NVL: variants seen among roughly 807,000 people sequenced by gnomAD.
The protein encoded by NVL is nuclear VCP like, also known as nuclear valosin-containing protein-like.
NVL carries 84 observed loss-of-function variants against 110.2 expected under a neutral mutation model. That is an observed-to-expected ratio of 0.76 (90% CI 0.64 to 0.91). NVL has a LOEUF of 0.91. Ranked by LOEUF, NVL falls within the 40% of genes least tolerant of loss-of-function variation. The pLI, the probability that NVL is intolerant of heterozygous loss-of-function variation, is 0.00. For synonymous variants in NVL, 354 were observed against 361.1 expected, an observed-to-expected ratio of 0.98 and a Z score of 0.22; for missense variants, 882 against 1,035.9, an observed-to-expected ratio of 0.85 and a Z score of 2.04.
At chr1:224,311,901 A>C (rs754658305) in intron 4 of NVL, 44 bp from the exon 5 acceptor site, 17 of 1,471,124 alleles carry the variant, frequency 1.2e-5, no homozygotes, top group Middle Eastern at 1.7e-4. Context: ...TTTCTCTCCC[A>C]TATCCTAAAA....
At chr1:224,285,702 T>C (rs1300715808) in intron 15 of NVL, among the ~76,000 whole-genome samples, 1 of 151,992 alleles carries the variant, frequency 6.6e-6, no homozygotes, top group African/African-American at 2.4e-5. Flanking sequence ...ATAATAACAA[T>C]ACCAAAGCAG....
rs377287596 is a variant in NVL, at chr1:224,330,169, A to G, written c.-42T>C. 1.2e-6 allele frequency: 2 copies of G among 1,607,826 alleles called. No homozygotes were observed. The highest frequency in any genetic ancestry group is 1.7e-4 in the Middle Eastern group (1 of 6,042). ...GCCACAGCTCGGACCGCCAGCTCCT[A>G]GTCAACCGGGGGCCTCGTAGGGGTT... On this transcript the variant is annotated 5_prime_UTR_variant, in exon 1 of 23. Transcript: ENST00000281701.
At chr1:224,305,892 T>G (rs1668869947) in intron 6 of NVL, among the ~76,000 whole-genome samples, 1 of 152,250 alleles carries the variant, frequency 6.6e-6, no homozygotes, top group African/African-American at 2.4e-5. Context: ...GACACTGCAT[T>G]TGCAGCTATT....
chr1:224,301,426 C>T (rs936046276), intron 9 of NVL, among the ~76,000 whole-genome samples: 2 of 152,174 alleles, frequency 1.3e-5, no homozygotes, highest in African/African-American at 4.8e-5. Context: ...TACCCATCTG[C>T]TAAGGAGAAA....
chr1:224,302,579 G>A lies in NVL; in HGVS notation c.960+1144C>T, dbSNP rs73130467. Among the ~76,000 whole-genome samples the A allele has an allele frequency of 6.2e-3, 942 of 152,262 alleles. 9 individuals carry two copies. Among genetic ancestry groups the A allele is most frequent in the African/African-American group, 0.021 (886 of 41,554 alleles). On this transcript the variant is annotated intron_variant, in intron 9 of 22. Transcript: ENST00000281701. ...TACAGTTTCTGAAAAATCTGAGAGG[G>A]TTAAAATAAGATTGCTAACTTTTAA...
chr1:224,256,519 A>T (rs1663279261), intron 18 of NVL, among the ~76,000 whole-genome samples: 1 of 151,824 alleles, frequency 6.6e-6, no homozygotes, highest in Admixed American at 6.6e-5. Context: ...GGGAATACTG[A>T]TGATAATTAT....
At chr1:224,263,632 ATTAGTT>A (rs1443748260) in intron 18 of NVL, among the ~76,000 whole-genome samples, 3 of 152,098 alleles carry the variant, frequency 2.0e-5, no homozygotes, top group East Asian at 3.8e-4. Flanking sequence ...AGAAAATCCT[ATTAGTT>A]TTACTTTCAA....
intron 4 of NVL, among the ~76,000 whole-genome samples, chr1:224,314,866 C>T (rs2102754799): frequency 6.6e-6 from 1 of 151,908 alleles, no homozygotes; most frequent in South Asian, 2.1e-4. Flanking sequence ...CAAAAATTAG[C>T]CGGGCATGGT....
intron 18 of NVL, among the ~76,000 whole-genome samples, chr1:224,267,686 CAAAAAAAAA>C (rs532968583): frequency 1.9e-5 from 1 of 51,536 alleles, no homozygotes; most frequent in Non-Finnish European, 4.0e-5. Flanking sequence ...GATTCTGTCT[CAAAAAAAAA>C]AAAAAAAAAA....
chr1:224,277,728 C>T (rs1351267290), intron 16 of NVL, among the ~76,000 whole-genome samples: 1 of 152,184 alleles, frequency 6.6e-6, no homozygotes, highest in East Asian at 1.9e-4. Context: ...CCATTTTATT[C>T]TGGCTTTTGC....
chr1:224,325,396 G>A (rs1193625760), intron 2 of NVL, among the ~76,000 whole-genome samples: 1 of 150,786 alleles, frequency 6.6e-6, no homozygotes, highest in Non-Finnish European at 1.5e-5. Flanking sequence ...AATACAGAAG[G>A]CCCTGTCTCC....
intron 18 of NVL, 129 bp downstream of exon 18, chr1:224,267,905 G>A: frequency 4.8e-6 from 3 of 628,956 alleles, no homozygotes; most frequent in South Asian, 2.2e-5. Flanking sequence ...CCTTTCCTAG[G>A]ATGCATGTGA....
In NVL at chr1:224,296,599, A is replaced by G. The variant is rs1369475240; in HGVS notation, c.1082T>C (p.Ile361Thr). 20 of 1,593,518 alleles carry G rather than the reference A, an allele frequency of 1.3e-5. No individual in the cohort carries two copies. Among genetic ancestry groups the G allele is most frequent in the Non-Finnish European group, 1.7e-5 (20 of 1,169,880 alleles). ...AATAGCATCAATTTCATCAATGAAA[A>G]TGATACATGGTGCATTTGACTAGAA... The part of the protein sequence containing the change: ...EQAVSNAPCI[I>T]FIDEIDAITP... The change falls in exon 11 of 23, where the codon ATT becomes ACT. Residue 361 changes from isoleucine to threonine, a missense_variant. By Grantham distance (89) the Ile-to-Thr change is moderately conservative. Coordinates refer to ENST00000281701, the MANE Select transcript of NVL (RefSeq NM_002533.4).
At chr1:224,300,764 G>T in intron 9 of NVL, 101 bp from the exon 10 acceptor site, 1 of 762,234 alleles carries the variant, frequency 1.3e-6, no homozygotes, top group Non-Finnish European at 2.1e-6. Flanking sequence ...AGTTTCCTGA[G>T]GAACTTCATC....
rs1374075871 is a variant in NVL at position 224,275,411 on chromosome 1, G to A, written c.2010C>T (p.Ala670=). The change falls in exon 17 of 23, where the codon GCC becomes GCT. Residue 670 remains alanine, a synonymous_variant. Coordinates refer to ENST00000281701, the MANE Select transcript of NVL (RefSeq NM_002533.4). ...ERAVRQVFQR[A]KNSAPCVIFF... ...ATATCACACAGGGTGCTGAGTTCTT[G>A]GCTCGTTGAAAAACTTGTCGCACAG... is the stretch of plus-strand genomic sequence containing the variant. 6.2e-7 allele frequency: 1 copy of A among 1,613,960 alleles called. No individual in the cohort carries two copies. The highest frequency in any genetic ancestry group is 8.5e-7 in the Non-Finnish European group (1 of 1,180,026).
chr1:224,272,033 C>G (rs1454862915), intron 17 of NVL, among the ~76,000 whole-genome samples: 1 of 150,206 alleles, frequency 6.7e-6, no homozygotes, highest in Non-Finnish European at 1.5e-5. Flanking sequence ...AGAATGCATT[C>G]AAATTTAAAA....
At chr1:224,282,944 T>C (rs556875889) in intron 15 of NVL, among the ~76,000 whole-genome samples, 45 of 152,360 alleles carry the variant, frequency 3.0e-4, no homozygotes, top group African/African-American at 9.4e-4. Flanking sequence ...TTCTGACCTA[T>C]AATTTGTTCC....
intron 12 of NVL, among the ~76,000 whole-genome samples, chr1:224,291,434 A>C (rs983496269): frequency 6.6e-6 from 1 of 152,252 alleles, no homozygotes; most frequent in African/African-American, 2.4e-5. Flanking sequence ...TAAAATTAAT[A>C]ACTTTGTAAA....
At chr1:224,253,747 A>AG (rs1662811816) in intron 18 of NVL, among the ~76,000 whole-genome samples, 2 of 149,562 alleles carry the variant, frequency 1.3e-5, no homozygotes, top group East Asian at 2.0e-4. Context: ...AAAAAAAAAA[A>AG]AGAAAAGAAA....
Sources: allele counts gnomAD v4.1 joint callset (sites outside exome capture counted in the v4.1 genomes callset), GRCh38; gene constraint gnomAD v4.1.1; transcripts MANE v1.5; gene names NCBI Gene and HGNC (gene_info 2026-07-23, HGNC 2026-07-21).